OPCML: variants seen among roughly 807,000 people sequenced by gnomAD.
OPCML encodes opioid-binding protein/cell adhesion molecule.
OPCML carries 13 observed loss-of-function variants against 37.8 expected under a neutral mutation model. The ratio of observed to expected loss-of-function variants is 0.34; its 90% CI spans 0.22 to 0.55. OPCML has a LOEUF of 0.55. OPCML is among the 20% of genes least tolerant of loss of function. The pLI, the probability that OPCML is intolerant of heterozygous loss-of-function variation, is 0.91. For missense variants in OPCML, 341 were observed against 435.6 expected (o/e 0.78, Z 1.93); for synonymous variants, 176 against 168.8 (o/e 1.04, Z -0.33).
chr11:133,217,792 C>T (rs778941325), intron 1 of OPCML, among the ~76,000 whole-genome samples: 1 of 152,198 alleles, frequency 6.6e-6, no homozygotes, highest in Non-Finnish European at 1.5e-5. Flanking sequence ...GTGGCTAGCA[C>T]CTGTAATCCC....
intron 3 of OPCML, among the ~76,000 whole-genome samples, chr11:132,565,805 GT>G (rs1453452105): frequency 6.6e-6 from 1 of 152,216 alleles, no homozygotes; most frequent in Non-Finnish European, 1.5e-5. Context: ...GGCTGGGGCA[GT>G]CAGATCACTT....
chr11:132,795,744 A>G (rs118150423), intron 2 of OPCML, among the ~76,000 whole-genome samples: 1,776 of 152,310 alleles, frequency 0.012, 20 homozygotes, highest in Non-Finnish European at 0.019. Flanking sequence ...GCTCCACTTC[A>G]TGAGCTAGGT....
intron 1 of OPCML, among the ~76,000 whole-genome samples, chr11:133,289,447 T>C (rs111767840): frequency 0.059 from 8,876 of 151,254 alleles, 295 homozygotes; most frequent in African/African-American, 0.077. Context: ...TACAAAAAAT[T>C]AGCCGGGCGT....
intron 2 of OPCML, among the ~76,000 whole-genome samples, chr11:132,875,127 T>G (rs1349705422): frequency 1.3e-5 from 2 of 152,210 alleles, no homozygotes; most frequent in Non-Finnish European, 2.9e-5. Flanking sequence ...AACTTAACCA[T>G]TTTTTAAAAA....
At chr11:133,322,017 C>T (rs930232992) in intron 1 of OPCML, among the ~76,000 whole-genome samples, 67 of 152,234 alleles carry the variant, frequency 4.4e-4, no homozygotes, top group African/African-American at 1.6e-3. Flanking sequence ...GCAACACATG[C>T]GGTTTCATAT....
chr11:132,971,324 C>A (rs1946339105), intron 1 of OPCML, among the ~76,000 whole-genome samples: 1 of 152,132 alleles, frequency 6.6e-6, no homozygotes, highest in Non-Finnish European at 1.5e-5. Context: ...CACTTTTCTT[C>A]TATTGATTTT....
chr11:132,710,057 A>C (rs1944199798), intron 2 of OPCML, among the ~76,000 whole-genome samples: 1 of 152,224 alleles, frequency 6.6e-6, no homozygotes. Context: ...TTATAATCTA[A>C]GTACACAAGT....
chr11:132,749,520 C>T (rs1351519241), intron 2 of OPCML, among the ~76,000 whole-genome samples: 3 of 152,144 alleles, frequency 2.0e-5, no homozygotes, highest in Non-Finnish European at 4.4e-5. Context: ...ACCTGTTAGA[C>T]ATTCAAACAG....
intron 2 of OPCML, among the ~76,000 whole-genome samples, chr11:132,891,382 G>A (rs1206973098): frequency 2.0e-5 from 3 of 152,064 alleles, no homozygotes; most frequent in Non-Finnish European, 2.9e-5. Context: ...TTCTTGCCCA[G>A]GACTCCGTAT....
intron 2 of OPCML, among the ~76,000 whole-genome samples, chr11:132,745,001 C>T (rs1323757982): frequency 3.9e-5 from 6 of 152,192 alleles, no homozygotes; most frequent in Non-Finnish European, 8.8e-5. Context: ...GGCAGCTCAT[C>T]CAGGAACCAC....
At chr11:133,327,425 G>A (rs1039791979) in intron 1 of OPCML, among the ~76,000 whole-genome samples, 3 of 151,866 alleles carry the variant, frequency 2.0e-5, no homozygotes, top group African/African-American at 7.3e-5. Context: ...ATATCCATCT[G>A]GAGTGTCAAC....
In OPCML at chr11:133,419,284, G is replaced by T. The variant is rs148426101; in HGVS notation, c.61+112980C>A. 176 of 985,378 alleles carry T rather than the reference G, an allele frequency of 1.8e-4. No homozygotes were observed. The African/African-American group carries it at 2.6e-3, about 14-fold the overall frequency. 61.0% of individuals were successfully genotyped at this position (985,378 alleles called of 1,614,324 possible). On this transcript the variant is annotated intron_variant, in intron 1 of 7. Transcript: ENST00000524381. ...TTGGTTTTGAACATGTGGAATTTGT[G>T]AAACCTCGAGATGTCTGGTGTAAAC... is the stretch of plus-strand genomic sequence containing the variant.
intron 1 of OPCML, among the ~76,000 whole-genome samples, chr11:133,319,486 G>C (rs1943280221): frequency 6.6e-6 from 1 of 152,148 alleles, no homozygotes; most frequent in Non-Finnish European, 1.5e-5. Flanking sequence ...GTTGCGCTTA[G>C]TGGCAACGCT....
chr11:133,088,068 A>G (rs1224208439), intron 1 of OPCML, among the ~76,000 whole-genome samples: 1 of 152,234 alleles, frequency 6.6e-6, no homozygotes, highest in Admixed American at 6.5e-5. Flanking sequence ...ATAGAAGTAC[A>G]TATCAAAATC....
At chr11:133,052,304 T>A (rs1366403562) in intron 1 of OPCML, among the ~76,000 whole-genome samples, 9 of 152,216 alleles carry the variant, frequency 5.9e-5, no homozygotes, top group Non-Finnish European at 1.5e-5. Context: ...CAGACCAGCA[T>A]TATAGAATAA....
At chr11:133,070,455 GAAAGT>G (rs1948509313) in intron 1 of OPCML, among the ~76,000 whole-genome samples, 2 of 152,156 alleles carry the variant, frequency 1.3e-5, no homozygotes, top group African/African-American at 4.8e-5. Flanking sequence ...TCGCCTGGGA[GAAAGT>G]GAATGCTGAC....
intron 1 of OPCML, among the ~76,000 whole-genome samples, chr11:133,179,306 C>T (rs1271425144): frequency 6.6e-6 from 1 of 152,048 alleles, no homozygotes; most frequent in Non-Finnish European, 1.5e-5. Context: ...CCTGGAATGC[C>T]CCTAGTCTAG....
intron 2 of OPCML, among the ~76,000 whole-genome samples, chr11:132,771,245 T>C (rs186330579): frequency 6.6e-6 from 1 of 152,314 alleles, no homozygotes; most frequent in African/African-American, 2.4e-5. Context: ...CCACTATGCT[T>C]TGATATCTAT....
At chr11:133,135,587 T>G (rs1246568417) in intron 1 of OPCML, among the ~76,000 whole-genome samples, 3 of 152,132 alleles carry the variant, frequency 2.0e-5, no homozygotes, top group African/African-American at 7.2e-5. Context: ...CCCATAGATA[T>G]TTATAGTACT....
Sources: allele counts gnomAD v4.1 joint callset (sites outside exome capture counted in the v4.1 genomes callset), GRCh38; gene constraint gnomAD v4.1.1; transcripts MANE v1.5; gene names NCBI Gene and HGNC (gene_info 2026-07-23, HGNC 2026-07-21).